MICAL1: variants seen among roughly 807,000 people sequenced by gnomAD.
MICAL1 encodes the protein [F-actin]-monooxygenase MICAL1.
MICAL1 carries 95 observed loss-of-function variants against 131.8 expected under a neutral mutation model. The ratio of observed to expected loss-of-function variants is 0.72; its 90% CI spans 0.61 to 0.86. The LOEUF (loss-of-function observed/expected upper bound fraction) is 0.86, where lower values mean the gene tolerates loss of function less well. MICAL1 is among the 40% of genes least tolerant of loss of function. The pLI, the probability that MICAL1 is intolerant of heterozygous loss-of-function variation, is 0.00. For synonymous variants in MICAL1, 546 were observed against 554.2 expected (o/e 0.99, Z 0.21); for missense variants, 1,292 against 1,380.6 (o/e 0.94, Z 1.02).
upstream of MICAL1, among the ~76,000 whole-genome samples, chr6:109,460,509 A>AAT (rs1045551931): frequency 1.5e-4 from 17 of 110,116 alleles, no homozygotes; most frequent in East Asian, 4.3e-3. Flanking sequence ...GTTAGAATGA[A>AAT]ATATATATAT....
rs1480519252 is a variant in MICAL1 at position 109,444,922 on chromosome 6, C to G, written c.2955G>C (p.Val985=). Residue 985 remains valine, a synonymous_variant, in exon 23 of 25, where the codon GTG becomes GTC. Transcript: ENST00000358807. ...TGATCATGAGCTCGGCCTCCTCAGCCACCAGGCTGTTTTTCTTGTCAACGA... is the reference window on the plus strand; with the variant it reads ...TGATCATGAGCTCGGCCTCCTCAGCGACCAGGCTGTTTTTCTTGTCAACGA... ...LQLVDKKNSL[V]AEEAELMITV... The G allele has an allele frequency of 6.2e-7, 1 of 1,614,206 alleles. No individual in the cohort carries two copies. The highest frequency in any genetic ancestry group is 1.1e-5 in the South Asian group (1 of 91,090).
chr6:109,455,545 C>G lies in MICAL1; in HGVS notation c.-44+174G>C, dbSNP rs1037571100. On this transcript the variant is annotated intron_variant, in intron 1 of 24. Transcript: ENST00000358807. The surrounding 1 kb of genome is among the most constrained non-coding windows in gnomAD (Gnocchi z 4.7). ...CGCGGGCGGCAGCGGTGGGGGTCCC[C>G]GACACTGGACGGCAAAGTCCGGACG... The G allele has an allele frequency of 7.0e-6, 2 of 287,000 alleles. No homozygotes were observed. The highest frequency in any genetic ancestry group is 1.0e-5 in the Non-Finnish European group (2 of 191,054). 17.8% of individuals were successfully genotyped at this position (287,000 alleles called of 1,614,324 possible). A position where few individuals can be genotyped will look rare whatever the true frequency, so the allele number is the denominator to read the frequency against.
intron 17 of MICAL1, 76 bp downstream of exon 17, chr6:109,446,997 T>C (rs1156443547): frequency 2.6e-6 from 4 of 1,549,428 alleles, no homozygotes; most frequent in East Asian, 4.6e-5. Flanking sequence ...ATCCTGTGCC[T>C]CTCTACCTCA....
At chr6:109,448,906 A>G in intron 11 of MICAL1, 27 bp from the exon 12 acceptor site, 10 of 1,611,094 alleles carry the variant, frequency 6.2e-6, no homozygotes, top group Non-Finnish European at 8.5e-6. Flanking sequence ...TGCTGTGCCC[A>G]AGGCCCCCTC....
rs1200757754 is a variant in MICAL1 at position 109,454,084 on chromosome 6, C to T, written c.113G>A (p.Gly38Glu). 3.1e-6 allele frequency: 5 copies of T among 1,613,926 alleles called. No individual in the cohort carries two copies. In the South Asian group the frequency reaches 5.5e-5, roughly 18 times the overall value. ...SSFQELCGAL[G>E]LEPGGGLPQY... is the part of the protein sequence containing the mutation. ...GGGCAGCCCCCCACCGGGTTCCAGCCCCAGGGCCCCACACAGCTCCTGGAA... is the reference window on the plus strand; with the variant it reads ...GGGCAGCCCCCCACCGGGTTCCAGCTCCAGGGCCCCACACAGCTCCTGGAA... The change falls in exon 2 of 25, where the codon GGG (glycine) becomes GAG (glutamate). Residue 38 changes from glycine to glutamate, a missense_variant. Transcript: ENST00000358807.
chr6:109,456,118 C>CCG, upstream of MICAL1: 1 of 696,048 alleles, frequency 1.4e-6, no homozygotes, highest in Non-Finnish European at 1.8e-6. Context: ...CAGTGCTGGA[C>CCG]CGCGCACCCT....
rs772266166 is a variant in MICAL1, at chr6:109,449,449, C to T, written c.1467G>A (p.Glu489=). The T allele has an allele frequency of 6.2e-7, 1 of 1,614,236 alleles. No individual in the cohort carries two copies. Among genetic ancestry groups the T allele is most frequent in the Non-Finnish European group, 8.5e-7 (1 of 1,180,044 alleles). ...TCTTGTCGTTGTTCCTCTGCACAGG[C>T]TCCTTGGCTAGCACATCATACAGGT... The part of the protein sequence containing the change: ...VRDLYDVLAK[E]PVQRNNDKTD... Residue 489 remains glutamate, a synonymous_variant, in exon 11 of 25, where the codon GAG becomes GAA. Coordinates refer to ENST00000358807, the MANE Select transcript of MICAL1 (RefSeq NM_022765.4).
chr6:109,462,930 C>T (rs2115349890), intron 1 of MICAL1: 1 of 152,348 alleles, frequency 6.6e-6, no homozygotes, highest in East Asian at 1.9e-4. Context: ...AACATCATTT[C>T]TCAAGGACAC....
In MICAL1 at chr6:109,455,634, AC is replaced by A. The variant is rs1775716954; in HGVS notation, c.-44+84del. On this transcript the variant is annotated intron_variant, in intron 1 of 24. Transcript: ENST00000358807. This position sits in a 1 kb window ranked among gnomAD's most constrained non-coding sequence, Gnocchi z 4.7. Reference sequence around the variant, plus strand: ...ACCTGCCAGGCGTGGTTCCCGAGCGACCGCAGCTGCGTTTCCCCGGAAGCGC... The same window carrying A: ...ACCTGCCAGGCGTGGTTCCCGAGCGACGCAGCTGCGTTTCCCCGGAAGCGC... 9 of 898,336 alleles carry A rather than the reference AC, an allele frequency of 1.0e-5. No individual in the cohort carries two copies. Among genetic ancestry groups the A allele is most frequent in the Non-Finnish European group, 1.2e-5 (9 of 750,184 alleles). The allele number at this position is 898,336 out of a possible 1,614,324, so 55.6% of individuals were successfully genotyped here.
At position 109,444,076 on chromosome 6, in the gene MICAL1, A is replaced by G; in HGVS notation, c.*115T>C. 6.7e-7 allele frequency: 1 copy of G among 1,495,286 alleles called. No homozygotes were observed. 92.6% of individuals were successfully genotyped at this position (1,495,286 alleles called of 1,614,324 possible). On this transcript the variant is annotated 3_prime_UTR_variant, in exon 25 of 25. Coordinates refer to ENST00000358807, the MANE Select transcript of MICAL1 (RefSeq NM_022765.4). ...TGTGAACGCTGTTTGTGGCAGAAAC[A>G]TTTTAATTGTAAACAGCAAGGCTCT...
In MICAL1 at chr6:109,445,201, C is replaced by T. The variant is rs1348294260; in HGVS notation, c.2877G>A (p.Gln959=). Residue 959 remains glutamine (Q), a synonymous_variant, in exon 22 of 25, where the codon CAG becomes CAA. Transcript: ENST00000358807. ...GVKLELALRR[Q]SSSPEQQKKL... is the part of the protein sequence containing the mutation. The stretch of plus-strand genomic sequence containing the variant: ...GTGTCCTAGCTTGTCACTCACTGCT[C>T]TGGCGCCTCAAGGCCAGCTCCAGCT... 1.2e-6 allele frequency: 2 copies of T among 1,613,140 alleles called. No individual in the cohort carries two copies. Among genetic ancestry groups the T allele is most frequent in the African/African-American group, 1.3e-5 (1 of 74,934 alleles).
chr6:109,455,796 G>T, upstream of MICAL1: 1 of 927,914 alleles, frequency 1.1e-6, no homozygotes, highest in Non-Finnish European at 1.3e-6. The surrounding 1 kb of genome is among the most constrained non-coding windows in gnomAD (Gnocchi z 4.7). Flanking sequence ...GGCGGGGGCG[G>T]GGGCGGGGGC....
At chr6:109,465,941 A>T in exon 1 of MICAL1, 1 of 1,614,160 alleles carries the variant, frequency 6.2e-7, no homozygotes, top group Non-Finnish European at 8.5e-7. Context: ...GCAGGTGCTG[A>T]GCTGGATCTG....
At chr6:109,447,475 G>A (rs1775284154) in intron 15 of MICAL1, 35 bp from the exon 16 acceptor site, 1 of 1,594,590 alleles carries the variant, frequency 6.3e-7, no homozygotes, top group South Asian at 1.1e-5. Flanking sequence ...GGAGGGTAGA[G>A]GGGCAGGGCC....
chr6:109,465,500 TG>T, intron 1 of MICAL1: 1 of 726,766 alleles, frequency 1.4e-6, no homozygotes, highest in Non-Finnish European at 2.2e-6. Context: ...AAAACATAAC[TG>T]GGGAGGTTGG....
intron 13 of MICAL1, 118 bp from the exon 14 acceptor site, chr6:109,448,081 C>A: frequency 1.4e-6 from 2 of 1,397,870 alleles, no homozygotes; most frequent in Middle Eastern, 2.6e-4. Context: ...TCAGAGGGCG[C>A]CTTCTTCCTC....
At position 109,453,829 on chromosome 6, in the gene MICAL1, G is replaced by A; in HGVS notation, c.275C>T (p.Ala92Val). The change falls in exon 3 of 25, where the codon GCT (alanine) becomes GTT (valine). Residue 92 changes from alanine (A) to valine (V), a missense_variant. Physicochemically the swap from Ala to Val is moderately conservative, Grantham distance 64. Transcript: ENST00000358807. ...AGCGACCCGCAGCCCGCAAGGTCCA[G>A]CACCCACCACCAGGCACTGTGAACA... The part of the protein sequence containing the change: ...CTSTKCLVVG[A>V]GPCGLRVAVE... The A allele has an allele frequency of 6.2e-7, 1 of 1,613,396 alleles. No individual in the cohort carries two copies. The highest frequency in any genetic ancestry group is 8.5e-7 in the Non-Finnish European group (1 of 1,180,018).
chr6:109,453,580 C>T (rs1376610971), intron 3 of MICAL1, 58 bp downstream of exon 3: 1 of 1,538,138 alleles, frequency 6.5e-7, no homozygotes, highest in Admixed American at 2.0e-5. Context: ...CATTTCCCCA[C>T]TGGCCTGCCT....
chr6:109,448,520 T>A, intron 12 of MICAL1, 127 bp from the exon 13 acceptor site: 1 of 1,284,532 alleles, frequency 7.8e-7, no homozygotes, highest in Non-Finnish European at 1.1e-6. Context: ...AAGGTAGGTG[T>A]GTAGTCTCTG....
Sources: gnomAD v4.1 joint callset for allele counts (sites outside exome capture counted in the v4.1 genomes callset) on GRCh38, gnomAD v4.1.1 for gene constraint, Gnocchi (gnomAD v3.1) non-coding constraint, MANE v1.5 for transcripts, NCBI Gene and HGNC (gene_info 2026-07-23, HGNC 2026-07-21) for gene names.